The following SLC35F3 variants were observed in gnomAD, a reference collection of about 807,000 sequenced individuals.
SLC35F3 encodes the protein putative thiamine transporter SLC35F3.
In SLC35F3, 25 loss-of-function variants were observed where a neutral mutation model predicts 49.9. That is an observed-to-expected ratio of 0.50 (90% CI 0.37 to 0.70). The LOEUF (loss-of-function observed/expected upper bound fraction) is 0.70, where lower values mean the gene tolerates loss of function less well. Among genes scored for constraint, SLC35F3 ranks in the 30% least tolerant of loss-of-function variants. The pLI is 0.00. For synonymous variants in SLC35F3, 275 were observed against 265.4 expected, an observed-to-expected ratio of 1.04 and a Z score of -0.35; for missense variants, 525 against 639.8, an observed-to-expected ratio of 0.82 and a Z score of 1.94.
rs572327052 is a variant in SLC35F3 at position 233,924,883 on chromosome 1, G to A, written c.283+19125G>A. On this transcript the variant is annotated intron_variant, in intron 2 of 7. Coordinates refer to ENST00000366618, the MANE Select transcript of SLC35F3 (RefSeq NM_173508.4). ...ACATCTGTATTTCTGCCTTCATTTC[G>A]TTGTTTACCCAGTAGTCATTCAGGA... Among the ~76,000 whole-genome samples, 13 of 152,222 alleles carry A rather than the reference G, an allele frequency of 8.5e-5. No homozygotes were observed. In the East Asian group the frequency reaches 1.7e-3, roughly 20 times the overall value.
intron 2 of SLC35F3, among the ~76,000 whole-genome samples, chr1:233,964,601 C>T (rs1414052750): frequency 2.6e-5 from 4 of 152,150 alleles, no homozygotes; most frequent in East Asian, 1.9e-4. Context: ...GTTCATGTGT[C>T]GCGAAGGCAT....
chr1:234,280,397 C>G (rs1412262485), intron 3 of SLC35F3, among the ~76,000 whole-genome samples: 1 of 152,206 alleles, frequency 6.6e-6, no homozygotes, highest in African/African-American at 2.4e-5. Context: ...GCTGTTTAAA[C>G]CTTTCTACTG....
chr1:234,121,065 A>T (rs908781912), intron 2 of SLC35F3, among the ~76,000 whole-genome samples: 1 of 151,808 alleles, frequency 6.6e-6, no homozygotes, highest in Admixed American at 6.6e-5. Flanking sequence ...AGAAAAAAAT[A>T]GCCCATGATA....
At position 234,214,451 on chromosome 1, in the gene SLC35F3, A is replaced by G. The variant is rs775491443; in HGVS notation, c.284-16966A>G. ...GGAGAGACGCGCTCCAGCCGGCCCC[A>G]GGATGTAGGCGATCGGCGGCAGCGC... On this transcript the variant is annotated intron_variant, in intron 2 of 7. Coordinates refer to ENST00000366618, the MANE Select transcript of SLC35F3 (RefSeq NM_173508.4). The surrounding 1 kb of genome is among the most constrained non-coding windows in gnomAD (Gnocchi z 8.0). The G allele has an allele frequency of 2.9e-5, 44 of 1,502,676 alleles. No homozygotes were observed. Among genetic ancestry groups the G allele is most frequent in the Non-Finnish European group, 3.6e-5 (41 of 1,124,938 alleles). 93.1% of individuals were successfully genotyped at this position (1,502,676 alleles called of 1,614,324 possible). A position where few individuals can be genotyped will look rare whatever the true frequency, so the allele number is the denominator to read the frequency against.
At chr1:234,019,519 AG>A (rs1432590466) in intron 2 of SLC35F3, among the ~76,000 whole-genome samples, 1 of 152,200 alleles carries the variant, frequency 6.6e-6, no homozygotes, top group Non-Finnish European at 1.5e-5. Context: ...ATCTGGAGGC[AG>A]AATTCTCTCT....
At chr1:234,021,965 C>A (rs1211596448) in intron 2 of SLC35F3, among the ~76,000 whole-genome samples, 1 of 152,170 alleles carries the variant, frequency 6.6e-6, no homozygotes. Context: ...GAATGCAGAC[C>A]TTGGTTGTTA....
chr1:233,924,000 G>A (rs557894600), intron 2 of SLC35F3, among the ~76,000 whole-genome samples: 1 of 152,294 alleles, frequency 6.6e-6, no homozygotes, highest in Non-Finnish European at 1.5e-5. Flanking sequence ...AAGCCAACTC[G>A]ATCGTGGTGG....
chr1:234,018,892 T>C (rs1663848103), intron 2 of SLC35F3, among the ~76,000 whole-genome samples: 2 of 152,240 alleles, frequency 1.3e-5, no homozygotes, highest in African/African-American at 4.8e-5. Context: ...TTTGGTTGGG[T>C]GTGCGCACTG....
At chr1:234,317,844 C>T (rs541902455) in intron 5 of SLC35F3, among the ~76,000 whole-genome samples, 3 of 152,048 alleles carry the variant, frequency 2.0e-5, no homozygotes, top group Non-Finnish European at 4.4e-5. Context: ...TAATGAGAAG[C>T]AAAAAACAGG....
intron 2 of SLC35F3, among the ~76,000 whole-genome samples, chr1:234,174,539 AC>A (rs1213358948): frequency 1.3e-5 from 2 of 152,242 alleles, no homozygotes; most frequent in African/African-American, 4.8e-5. Context: ...CCCATTCTGC[AC>A]ACAAGGAATC....
At chr1:234,140,299 G>A (rs1232449427) in intron 2 of SLC35F3, among the ~76,000 whole-genome samples, 2 of 152,134 alleles carry the variant, frequency 1.3e-5, no homozygotes, top group Admixed American at 6.5e-5. Flanking sequence ...TCATCACATG[G>A]AAGAAGGGTG....
intron 2 of SLC35F3, among the ~76,000 whole-genome samples, chr1:233,998,270 ATTG>A (rs960349719): frequency 3.3e-5 from 5 of 152,010 alleles, no homozygotes; most frequent in African/African-American, 1.2e-4. Flanking sequence ...CTAGCTTCTC[ATTG>A]TTATATGCAT....
chr1:234,091,662 A>G (rs1210413855), intron 2 of SLC35F3, among the ~76,000 whole-genome samples: 2 of 152,026 alleles, frequency 1.3e-5, no homozygotes, highest in Non-Finnish European at 2.9e-5. Context: ...TTTTCTATAC[A>G]CCATTTAGGT....
chr1:234,052,870 T>C (rs1664399919), intron 2 of SLC35F3, among the ~76,000 whole-genome samples: 1 of 152,244 alleles, frequency 6.6e-6, no homozygotes, highest in Admixed American at 6.5e-5. Flanking sequence ...AGAACATCTT[T>C]ATTTCTGCCT....
intron 3 of SLC35F3, among the ~76,000 whole-genome samples, chr1:234,300,980 G>A (rs1668683156): frequency 1.3e-5 from 2 of 152,236 alleles, no homozygotes; most frequent in Admixed American, 1.3e-4. Flanking sequence ...CGAAAAAGGA[G>A]AAGCTGAAAA....
chr1:234,167,762 T>C (rs1223886709), intron 2 of SLC35F3, among the ~76,000 whole-genome samples: 1 of 152,136 alleles, frequency 6.6e-6, no homozygotes, highest in Non-Finnish European at 1.5e-5. Context: ...CACCACCTCA[T>C]GGTAGGGTAA....
At chr1:234,073,601 C>T (rs1572041512) in intron 2 of SLC35F3, among the ~76,000 whole-genome samples, 1 of 152,214 alleles carries the variant, frequency 6.6e-6, no homozygotes, top group Non-Finnish European at 1.5e-5. Flanking sequence ...ACCTACCTCC[C>T]GGTTCCTTCA....
At chr1:234,042,756 G>T (rs79513729) in intron 2 of SLC35F3, among the ~76,000 whole-genome samples, 10 of 152,108 alleles carry the variant, frequency 6.6e-5, no homozygotes, top group African/African-American at 2.4e-4. Flanking sequence ...AGCATGGTGC[G>T]TGTAACCTTT....
At chr1:234,261,370 T>C (rs1330487110) in intron 3 of SLC35F3, among the ~76,000 whole-genome samples, 2 of 152,212 alleles carry the variant, frequency 1.3e-5, no homozygotes, top group Non-Finnish European at 2.9e-5. Flanking sequence ...AGGGAATTCC[T>C]GGAACTGAGG....
Sources: allele counts gnomAD v4.1 joint callset (sites outside exome capture counted in the v4.1 genomes callset), GRCh38; gene constraint gnomAD v4.1.1; non-coding constraint Gnocchi (gnomAD v3.1); transcripts MANE v1.5; gene names NCBI Gene and HGNC (gene_info 2026-07-23, HGNC 2026-07-21).